The following CHL1 variants were observed in gnomAD, a reference collection of about 807,000 sequenced individuals.
CHL1 encodes cell adhesion molecule L1 like, also known as neural cell adhesion molecule L1-like protein.
Under a neutral mutation model 141.9 loss-of-function variants are expected in CHL1, and 96 were observed. The observed-to-expected ratio is 0.68, with a 90% CI of 0.57 to 0.80. CHL1 has a LOEUF of 0.80. Ranked by LOEUF, CHL1 falls within the 30% of genes least tolerant of loss-of-function variation. The pLI, the probability that CHL1 is intolerant of heterozygous loss-of-function variation, is 0.00. For missense variants in CHL1, 1,820 were observed against 1,457.2 expected (o/e 1.25, Z -4.05); for synonymous variants, 613 against 502.2 (o/e 1.22, Z -2.95).
At chr3:225,744 T>G (rs1701262560) in intron 1 of CHL1, among the ~76,000 whole-genome samples, 1 of 152,072 alleles carries the variant, frequency 6.6e-6, no homozygotes, top group Admixed American at 6.5e-5. Flanking sequence ...GCGTGGTGGC[T>G]CACGCCTGTA....
rs76869578 is a variant in CHL1, at chr3:363,463, C to G, written c.1585+80C>G. ...TTCATTTGCCCAAATGGAATAATAC[C>G]ATTTAAGTTGGAGTACCAGATAAAG... On this transcript the variant is annotated intron_variant, in intron 14 of 27. Transcript: ENST00000256509. The G allele has an allele frequency of 2.0e-5, 25 of 1,280,396 alleles. 1 individual carries two copies. The South Asian group carries it at 2.1e-4, about 11-fold the overall frequency. 79.3% of individuals were successfully genotyped at this position (1,280,396 alleles called of 1,614,324 possible).
intron 1 of CHL1, among the ~76,000 whole-genome samples, chr3:236,035 A>G (rs759244575): frequency 5.3e-5 from 8 of 152,116 alleles, no homozygotes; most frequent in African/African-American, 9.7e-5. Flanking sequence ...CATGGCCTCA[A>G]GGATTGTTTG....
chr3:389,236 T>C lies in CHL1; in HGVS notation c.2248-16T>C. 2 of 1,575,976 alleles carry C rather than the reference T, an allele frequency of 1.3e-6. No individual in the cohort carries two copies. Among genetic ancestry groups the C allele is most frequent in the South Asian group, 2.3e-5 (2 of 86,790 alleles). ...CATCTGTGATCAGACTAAATGAGTC[T>C]TGCCTTCTGTTTTAGCCTTTGAAAT... On this transcript the variant is annotated splice_polypyrimidine_tract_variant and intron_variant, in intron 19 of 27. Coordinates refer to ENST00000256509, the MANE Select transcript of CHL1 (RefSeq NM_006614.4).
At chr3:266,682 G>T (rs78309738) in intron 2 of CHL1, among the ~76,000 whole-genome samples, 1 of 152,144 alleles carries the variant, frequency 6.6e-6, no homozygotes, top group Non-Finnish European at 1.5e-5. Flanking sequence ...ATTTCATTTT[G>T]AGCAAATAAA....
chr3:299,308 A>G (rs1250088783), intron 2 of CHL1, among the ~76,000 whole-genome samples: 3 of 152,236 alleles, frequency 2.0e-5, no homozygotes, highest in Admixed American at 1.3e-4. Context: ...GTGAACACTT[A>G]CTGGGTAAAT....
chr3:347,862 T>C (rs1702896566), intron 9 of CHL1, among the ~76,000 whole-genome samples: 1 of 152,190 alleles, frequency 6.6e-6, no homozygotes, highest in South Asian at 2.1e-4. Flanking sequence ...TGGTAAAATA[T>C]AAGATTATTA....
intron 15 of CHL1, among the ~76,000 whole-genome samples, chr3:371,291 G>A (rs1705590659): frequency 6.6e-6 from 1 of 152,182 alleles, no homozygotes; most frequent in African/African-American, 2.4e-5. Flanking sequence ...GGGTGCTCCT[G>A]TATTGGATGC....
intron 9 of CHL1, among the ~76,000 whole-genome samples, chr3:349,146 T>C (rs927482051): frequency 5.9e-5 from 9 of 152,192 alleles, no homozygotes; most frequent in African/African-American, 2.2e-4. Flanking sequence ...GACAGACCAC[T>C]GGAGGAACTT....
intron 15 of CHL1, among the ~76,000 whole-genome samples, chr3:371,019 C>T (rs1188322191): frequency 6.6e-6 from 1 of 152,068 alleles, no homozygotes; most frequent in Non-Finnish European, 1.5e-5. Context: ...TGTTTTACTT[C>T]AAATTATGTG....
At chr3:202,491 C>T (rs548781252) in intron 1 of CHL1, among the ~76,000 whole-genome samples, 2 of 152,244 alleles carry the variant, frequency 1.3e-5, no homozygotes, top group African/African-American at 2.4e-5. Flanking sequence ...AAATTAGAAT[C>T]GTCTGGAGAG....
At chr3:334,682 A>G (rs1701721477) in intron 5 of CHL1, among the ~76,000 whole-genome samples, 1 of 152,178 alleles carries the variant, frequency 6.6e-6, no homozygotes. Context: ...CCACCAGTTG[A>G]TGAACATTTG....
intron 21 of CHL1, 59 bp from the exon 22 acceptor site, chr3:390,896 A>G: frequency 6.5e-7 from 1 of 1,529,368 alleles, no homozygotes; most frequent in Non-Finnish European, 9.0e-7. Flanking sequence ...TTTCAGAAGA[A>G]GTCAAAGAGA....
chr3:198,204 G>T, intron 1 of CHL1: 4 of 167,882 alleles, frequency 2.4e-5, no homozygotes, highest in South Asian at 1.3e-4. Context: ...GGGCAGGTGT[G>T]CGTCGGCAGG....
intron 2 of CHL1, among the ~76,000 whole-genome samples, chr3:272,092 A>T (rs760103776): frequency 6.6e-6 from 1 of 152,232 alleles, no homozygotes; most frequent in Non-Finnish European, 1.5e-5. Flanking sequence ...CATATAGATA[A>T]TCTTACCAGT....
At position 341,897 on chromosome 3, in the gene CHL1, GAT is replaced by G. The variant is rs777496510; in HGVS notation, c.509-12_509-11del. The stretch of plus-strand genomic sequence containing the variant: ...GGACAATTGCCCTTTTCAATGGCAA[GAT>G]ATCTCTTTTCAGAATTAGAACACAT... On this transcript the variant is annotated splice_polypyrimidine_tract_variant and intron_variant, in intron 6 of 27. Transcript: ENST00000256509. The G allele has an allele frequency of 6.4e-7, 1 of 1,564,270 alleles. No homozygotes were observed. Among genetic ancestry groups the G allele is most frequent in the South Asian group, 1.2e-5 (1 of 85,052 alleles).
At chr3:298,252 A>G (rs1267143605) in intron 2 of CHL1, among the ~76,000 whole-genome samples, 1 of 151,976 alleles carries the variant, frequency 6.6e-6, no homozygotes, top group Non-Finnish European at 1.5e-5. Flanking sequence ...TCGAATTGCT[A>G]AAAAGAGACC....
At chr3:380,819 T>G (rs1706937901) in intron 16 of CHL1, among the ~76,000 whole-genome samples, 1 of 152,336 alleles carries the variant, frequency 6.6e-6, no homozygotes, top group East Asian at 1.9e-4. Flanking sequence ...AATATAATAA[T>G]TATACACATG....
rs143710313 is a variant in CHL1, at chr3:270,813, C to T, written c.-95+26121C>T. ...GCTTTCCCACATGGCTCGTAGTGGA[C>T]GTCTGCTGCCAACTGGGAGCTCAGC... is the stretch of plus-strand genomic sequence containing the variant. On this transcript the variant is annotated intron_variant, in intron 2 of 27. Coordinates refer to ENST00000256509, the MANE Select transcript of CHL1 (RefSeq NM_006614.4). Among the ~76,000 whole-genome samples, 7 of 152,284 alleles carry T rather than the reference C, an allele frequency of 4.6e-5. No homozygotes were observed. In the East Asian group the frequency reaches 1.2e-3, roughly 25 times the overall value.
intron 6 of CHL1, among the ~76,000 whole-genome samples, chr3:341,269 C>G (rs140050566): frequency 1.6e-3 from 238 of 152,260 alleles, no homozygotes; most frequent in African/African-American, 5.3e-3. Context: ...TTTGCTGACT[C>G]TGATCTGAAA....
Sources: allele counts gnomAD v4.1 joint callset (sites outside exome capture counted in the v4.1 genomes callset), GRCh38; gene constraint gnomAD v4.1.1; transcripts MANE v1.5; gene names NCBI Gene and HGNC (gene_info 2026-07-23, HGNC 2026-07-21).